The following PAK3 variants were observed in gnomAD, a reference collection of about 807,000 sequenced individuals.
The protein encoded by PAK3 is serine/threonine-protein kinase PAK 3.
In PAK3, 4 loss-of-function variants were observed where a neutral mutation model predicts 41.0. That is an observed-to-expected ratio of 0.10 (90% CI 0.05 to 0.22). The LOEUF (loss-of-function observed/expected upper bound fraction) is 0.22. Ranked by LOEUF, PAK3 falls within the 10% of genes least tolerant of loss-of-function variation. The probability of loss-of-function intolerance (pLI) is 1.00; values close to 1 mark genes in which losing one functional copy is unlikely to be tolerated. For synonymous variants in PAK3, 146 were observed against 139.6 expected, an observed-to-expected ratio of 1.05 and a Z score of -0.32; for missense variants, 205 against 409.9, an observed-to-expected ratio of 0.50 and a Z score of 4.32.
chrX:111,186,188 C>A (rs1449697858), intron 11 of PAK3, among the ~76,000 whole-genome samples: 2 of 111,468 alleles, frequency 1.8e-5, no homozygotes, highest in African/African-American at 3.3e-5. Context: ...CAATATCATA[C>A]TGAATGGGCA....
chrX:111,209,466 A>G (rs1425037032), intron 16 of PAK3, among the ~76,000 whole-genome samples: 1 of 112,530 alleles, frequency 8.9e-6, no homozygotes, highest in Non-Finnish European at 1.9e-5. Flanking sequence ...TATAGATATC[A>G]AGGTATCAAT....
At chrX:111,045,021 A>G (rs954954831) in intron 1 of PAK3, among the ~76,000 whole-genome samples, 7 of 111,908 alleles carry the variant, frequency 6.3e-5, no homozygotes, top group African/African-American at 1.9e-4. Context: ...GAGAAGCCCA[A>G]TGGACAGACA....
chrX:111,044,595 C>T (rs2092480478), intron 1 of PAK3, among the ~76,000 whole-genome samples: 1 of 111,872 alleles, frequency 8.9e-6, no homozygotes, highest in Admixed American at 9.5e-5. Context: ...AACACAGGTG[C>T]CTTCTTGGCT....
chrX:111,048,022 G>A (rs778500826), intron 1 of PAK3, among the ~76,000 whole-genome samples: 2 of 111,263 alleles, frequency 1.8e-5, no homozygotes, highest in African/African-American at 6.6e-5. Flanking sequence ...CCACTTCCTC[G>A]CTTATCAATC....
intron 1 of PAK3, among the ~76,000 whole-genome samples, chrX:111,016,063 A>G (rs1337398118): frequency 1.8e-5 from 2 of 112,472 alleles, no homozygotes; most frequent in Non-Finnish European, 3.8e-5. Flanking sequence ...GGTACAGTGC[A>G]TGATTCCTCT....
chrX:111,181,555 TATCTC>T (rs753044104), intron 11 of PAK3, among the ~76,000 whole-genome samples: 20 of 111,618 alleles, frequency 1.8e-4, no homozygotes, highest in African/African-American at 6.5e-4. Context: ...TTTTCAGACT[TATCTC>T]TGCTACTCAG....
chrX:111,042,267 C>G (rs2092459065), intron 1 of PAK3, among the ~76,000 whole-genome samples: 1 of 111,572 alleles, frequency 9.0e-6, no homozygotes, highest in Admixed American at 9.5e-5. Flanking sequence ...TTAGCCTTAG[C>G]CTTGGAGCCT....
intron 1 of PAK3, among the ~76,000 whole-genome samples, chrX:110,945,501 A>C (rs1222183095): frequency 8.9e-6 from 1 of 111,842 alleles, no homozygotes; most frequent in Non-Finnish European, 1.9e-5. Flanking sequence ...TCTCCCAAAG[A>C]TGCCCAACTT....
At chrX:110,989,805 G>A (rs1398210149) in intron 1 of PAK3, among the ~76,000 whole-genome samples, 1 of 111,395 alleles carries the variant, frequency 9.0e-6, no homozygotes, top group Non-Finnish European at 1.9e-5. Context: ...CCTCCCTTCT[G>A]CTGAGGGTTG....
At chrX:111,091,436 C>T (rs768137207), upstream of PAK3, among the ~76,000 whole-genome samples, 43 of 111,575 alleles carry the variant, frequency 3.9e-4, no homozygotes, top group Non-Finnish European at 6.8e-4. Context: ...AAGGCGAGTT[C>T]GACAAAGGAG....
chrX:111,178,980 T>TATATATAGAGAGAGAGAG (rs1211051270), intron 11 of PAK3, among the ~76,000 whole-genome samples: 370 of 91,580 alleles, frequency 4.0e-3, no homozygotes, highest in Middle Eastern at 0.012. Flanking sequence ...TATATATATA[T>TATATATAGAGAGAGAGAG]AGAGAGAGAG....
chrX:111,196,030 T>C, intron 15 of PAK3, 89 bp downstream of exon 15: 1 of 633,780 alleles, frequency 1.6e-6, no homozygotes, highest in Admixed American at 2.3e-5. Flanking sequence ...TTACTGAAAG[T>C]GATTTATTTG....
At chrX:111,080,310 AACC>A (rs959536423) in intron 1 of PAK3, among the ~76,000 whole-genome samples, 4 of 111,799 alleles carry the variant, frequency 3.6e-5, no homozygotes, top group African/African-American at 9.8e-5. Flanking sequence ...AATCTACAGC[AACC>A]ACCACCCTGA....
At chrX:111,208,696 A>G (rs768053376) in intron 16 of PAK3, among the ~76,000 whole-genome samples, 1 of 112,135 alleles carries the variant, frequency 8.9e-6, no homozygotes, top group East Asian at 2.8e-4. Context: ...GATGTTCACA[A>G]AACGATGAAA....
In PAK3 at chrX:111,131,657, A is replaced by G. The variant is rs537167214; in HGVS notation, c.175+8379A>G. Among the ~76,000 whole-genome samples, 7 of 112,077 alleles carry G rather than the reference A, an allele frequency of 6.2e-5. No homozygotes were observed. The South Asian group carries it at 2.6e-3, about 42-fold the overall frequency. ...CTGATCTCTCCCTGTGTACAGGGAA[A>G]TGTACTTCTTGTAAATCCAGGAGTT... is the stretch of plus-strand genomic sequence containing the variant. On this transcript the variant is annotated intron_variant, in intron 5 of 17. Coordinates refer to ENST00000372007, the MANE Select transcript of PAK3 (RefSeq NM_002578.5).
chrX:111,117,254 A>G (rs1299137996), intron 4 of PAK3, among the ~76,000 whole-genome samples: 3 of 112,060 alleles, frequency 2.7e-5, no homozygotes, highest in African/African-American at 9.7e-5. Flanking sequence ...GAGGATAAAA[A>G]TGTATATATG....
At chrX:111,013,011 C>A (rs777572115) in intron 1 of PAK3, among the ~76,000 whole-genome samples, 8 of 112,051 alleles carry the variant, frequency 7.1e-5, no homozygotes, top group Non-Finnish European at 1.5e-4. Flanking sequence ...CCGAAGCAAG[C>A]CTCCCACCTC....
At chrX:110,986,667 A>C (rs2091549681) in intron 1 of PAK3, among the ~76,000 whole-genome samples, 1 of 111,339 alleles carries the variant, frequency 9.0e-6, no homozygotes, top group South Asian at 3.9e-4. Context: ...AACCTAATAG[A>C]ATATCTGGTT....
At chrX:110,962,332 C>A (rs2090996817) in intron 1 of PAK3, among the ~76,000 whole-genome samples, 1 of 111,859 alleles carries the variant, frequency 8.9e-6, no homozygotes, top group African/African-American at 3.3e-5. Flanking sequence ...CCACAATTAC[C>A]AATCCTCCCA....
Sources: allele counts gnomAD v4.1 joint callset (sites outside exome capture counted in the v4.1 genomes callset), GRCh38; gene constraint gnomAD v4.1.1; transcripts MANE v1.5; gene names NCBI Gene and HGNC (gene_info 2026-07-23, HGNC 2026-07-21).